TASP1: variants seen among roughly 807,000 people sequenced by gnomAD.
TASP1 encodes the protein threonine aspartase 1.
TASP1 carries 16 observed loss-of-function variants against 56.6 expected under a neutral mutation model. That is an observed-to-expected ratio of 0.28 (90% CI 0.19 to 0.43). TASP1 has a LOEUF of 0.43. Among genes scored for constraint, TASP1 ranks in the 20% least tolerant of loss-of-function variants. TASP1 has a pLI of 1.00. For synonymous variants in TASP1, 179 were observed against 184.2 expected (o/e 0.97, Z 0.23); for missense variants, 393 against 511.6 (o/e 0.77, Z 2.24).
the TASP1 span, among the ~76,000 whole-genome samples, chr20:13,273,580 G>C: frequency 2.0e-5 from 3 of 152,112 alleles, no homozygotes; most frequent in Non-Finnish European, 2.9e-5. Context: ...AAGCTATAGC[G>C]TAAAGGCTGA....
At chr20:13,344,752 A>G in the TASP1 span, among the ~76,000 whole-genome samples, 16 of 152,176 alleles carry the variant, frequency 1.1e-4, no homozygotes, top group African/African-American at 3.6e-4. Flanking sequence ...TGTATTCCCA[A>G]CGTGCCTTTC....
At chr20:13,221,411 A>G in the TASP1 span, among the ~76,000 whole-genome samples, 2 of 142,998 alleles carry the variant, frequency 1.4e-5, no homozygotes, top group Admixed American at 6.9e-5. Context: ...CCCTGCCAGC[A>G]GGGTGGCCTC....
At position 13,414,208 on chromosome 20, in the gene TASP1, T is replaced by C. The variant is rs2042179882; in HGVS notation, c.1170+3240A>G. 1.3e-5 allele frequency among the ~76,000 whole-genome samples: 2 copies of C among 152,190 alleles called. 1 individual carries two copies. The highest frequency in any genetic ancestry group is 1.3e-4 in the Admixed American group (2 of 15,280). On this transcript the variant is annotated intron_variant, in intron 13 of 13. Transcript: ENST00000337743. ...TGAAGAACACGTTTCTTTCTTTCTTTCTTCACAGAATGTTCCTCATTTTAA... is the reference window on the plus strand; with the variant it reads ...TGAAGAACACGTTTCTTTCTTTCTTCCTTCACAGAATGTTCCTCATTTTAA...
At chr20:13,634,592 C>T (rs565700473) in intron 1 of TASP1, among the ~76,000 whole-genome samples, 3 of 151,730 alleles carry the variant, frequency 2.0e-5, no homozygotes, top group East Asian at 1.9e-4. Flanking sequence ...TAGCTGGGTG[C>T]GGTGGCGAGC....
At chr20:13,561,603 G>C (rs1404527469) in intron 7 of TASP1, among the ~76,000 whole-genome samples, 3 of 152,100 alleles carry the variant, frequency 2.0e-5, no homozygotes, top group Admixed American at 6.6e-5. Flanking sequence ...CTGAGCTCAG[G>C]TGATTCGCCC....
chr20:13,155,388 G>A, the TASP1 span, among the ~76,000 whole-genome samples: 1 of 152,172 alleles, frequency 6.6e-6, no homozygotes, highest in Non-Finnish European at 1.5e-5. Context: ...AGTACTTGAA[G>A]TATTGAAAAG....
At chr20:13,221,252 C>CTCCTT in the TASP1 span, among the ~76,000 whole-genome samples, 1 of 115,366 alleles carries the variant, frequency 8.7e-6, no homozygotes, top group Non-Finnish European at 2.0e-5. Context: ...TCCTCCTCCT[C>CTCCTT]CTCCTCCTCC....
At chr20:13,560,630 A>AG (rs1377835024) in intron 7 of TASP1, among the ~76,000 whole-genome samples, 1 of 152,200 alleles carries the variant, frequency 6.6e-6, no homozygotes, top group African/African-American at 2.4e-5. Flanking sequence ...GGGAAAAAAC[A>AG]GGGAGAAGGT....
intron 10 of TASP1, among the ~76,000 whole-genome samples, chr20:13,518,392 A>T (rs1601092536): frequency 2.0e-5 from 3 of 152,176 alleles, no homozygotes; most frequent in East Asian, 3.9e-4. Context: ...GAGAAGAAAG[A>T]GCTATCTTCA....
At chr20:13,365,811 T>C in the TASP1 span, among the ~76,000 whole-genome samples, 1 of 152,146 alleles carries the variant, frequency 6.6e-6, no homozygotes, top group Non-Finnish European at 1.5e-5. Context: ...ATGATTTATG[T>C]GTCTTACGAA....
At chr20:13,362,500 C>T in the TASP1 span, among the ~76,000 whole-genome samples, 1 of 136,240 alleles carries the variant, frequency 7.3e-6, no homozygotes, top group Non-Finnish European at 1.5e-5. Flanking sequence ...CCCACTCCTG[C>T]CCACCTGAGA....
the TASP1 span, among the ~76,000 whole-genome samples, chr20:13,256,269 G>C: frequency 6.6e-6 from 1 of 151,962 alleles, no homozygotes; most frequent in Admixed American, 6.6e-5. Context: ...GGTGGCGGGT[G>C]CCTGTAATCC....
the TASP1 span, among the ~76,000 whole-genome samples, chr20:13,269,256 G>C: frequency 1.3e-5 from 2 of 152,146 alleles, no homozygotes; most frequent in Non-Finnish European, 2.9e-5. Context: ...ATCCCTGAAG[G>C]CTGGAGTAAA....
the TASP1 span, among the ~76,000 whole-genome samples, chr20:13,206,849 A>G: frequency 2.0e-5 from 3 of 152,236 alleles, no homozygotes; most frequent in Non-Finnish European, 4.4e-5. Flanking sequence ...CAGGGTAAGA[A>G]CAAATGGGGT....
At chr20:13,376,936 C>T in the TASP1 span, among the ~76,000 whole-genome samples, 1 of 152,202 alleles carries the variant, frequency 6.6e-6, no homozygotes, top group African/African-American at 2.4e-5. Flanking sequence ...TATCCTGAGA[C>T]TTTGCAGAAG....
In TASP1 at chr20:13,417,132, A is replaced by G. The variant is rs924437148; in HGVS notation, c.1170+316T>C. Among the ~76,000 whole-genome samples, 7 of 152,086 alleles carry G rather than the reference A, an allele frequency of 4.6e-5. No individual in the cohort carries two copies. The South Asian group carries it at 6.2e-4, about 14-fold the overall frequency. On this transcript the variant is annotated intron_variant, in intron 13 of 13. Transcript: ENST00000337743. ...ATGTCAGCTCATCAGCTTCACTCCC[A>G]TTTTCTCTTCCCAAACCCCAGTTTC...
At chr20:13,126,542 G>A in the TASP1 span, 4 of 1,605,186 alleles carry the variant, frequency 2.5e-6, no homozygotes, top group Non-Finnish European at 3.4e-6. Flanking sequence ...CCCACCACCA[G>A]TGTTGAGATT....
At chr20:13,253,919 A>G in the TASP1 span, among the ~76,000 whole-genome samples, 1 of 151,928 alleles carries the variant, frequency 6.6e-6, no homozygotes, top group African/African-American at 2.4e-5. Flanking sequence ...AAACACACTT[A>G]TAAATGTGTA....
At chr20:13,240,358 G>C in the TASP1 span, among the ~76,000 whole-genome samples, 2 of 152,196 alleles carry the variant, frequency 1.3e-5, no homozygotes, top group African/African-American at 4.8e-5. Context: ...TACTAAAAGA[G>C]GGTGGTCAAG....
Sources: allele counts gnomAD v4.1 joint callset (sites outside exome capture counted in the v4.1 genomes callset), GRCh38; gene constraint gnomAD v4.1.1; transcripts MANE v1.5; gene names NCBI Gene and HGNC (gene_info 2026-07-23, HGNC 2026-07-21).